ASPRV1: variants seen among roughly 807,000 people sequenced by gnomAD.
The protein encoded by ASPRV1 is aspartic peptidase retroviral like 1.
ASPRV1 carries 7 observed loss-of-function variants against 11.0 expected under a neutral mutation model. The observed-to-expected ratio is 0.64, with a 90% confidence interval of 0.36 to 1.20. The LOEUF (loss-of-function observed/expected upper bound fraction) is 1.20. ASPRV1 is among the 50% of genes most tolerant of loss of function. ASPRV1 has a pLI of 0.02. For synonymous variants in ASPRV1, 136 were observed against 138.4 expected (o/e 0.98, Z 0.12); for missense variants, 299 against 320.0 (o/e 0.93, Z 0.50).
the ASPRV1 span, among the ~76,000 whole-genome samples, chr2:70,071,925 G>A: frequency 2.0e-5 from 3 of 151,558 alleles, no homozygotes; most frequent in East Asian, 1.9e-4. Context: ...GCAACATAGC[G>A]AGACCCAGTC....
the ASPRV1 span, among the ~76,000 whole-genome samples, chr2:70,005,481 A>C: frequency 6.6e-6 from 1 of 152,178 alleles, no homozygotes; most frequent in Admixed American, 6.5e-5. Context: ...TGTATTTATT[A>C]AAGTTACAGA....
chr2:70,021,682 T>C, the ASPRV1 span, among the ~76,000 whole-genome samples: 2 of 151,476 alleles, frequency 1.3e-5, no homozygotes, highest in Admixed American at 6.6e-5. Context: ...TACGGTATTG[T>C]GCACTTTAAA....
chr2:70,067,432 G>A, the ASPRV1 span, among the ~76,000 whole-genome samples: 2 of 152,048 alleles, frequency 1.3e-5, no homozygotes, highest in Non-Finnish European at 2.9e-5. Context: ...CGTGTAGATG[G>A]TAACTGAAGC....
chr2:69,953,874 A>AT, the ASPRV1 span, among the ~76,000 whole-genome samples: 461 of 141,674 alleles, frequency 3.3e-3, 2 homozygotes, highest in South Asian at 9.6e-3. Flanking sequence ...TGCCCGGCTA[A>AT]TTTTTTTTTT....
chr2:70,052,915 G>C, the ASPRV1 span, among the ~76,000 whole-genome samples: 1 of 152,098 alleles, frequency 6.6e-6, no homozygotes, highest in African/African-American at 2.4e-5. Context: ...ATATGGAGGT[G>C]AAAGGCCACA....
chr2:70,080,738 G>A, the ASPRV1 span, among the ~76,000 whole-genome samples: 1 of 152,222 alleles, frequency 6.6e-6, no homozygotes, highest in Non-Finnish European at 1.5e-5. Flanking sequence ...CACTAGTGAA[G>A]TAGCAAAACA....
At position 69,961,425 on chromosome 2, in the gene ASPRV1, G is replaced by T; in HGVS notation, c.12C>A (p.Ser4Arg). 1 of 1,614,036 alleles carries T rather than the reference G, an allele frequency of 6.2e-7. No individual in the cohort carries two copies. The highest frequency in any genetic ancestry group is 8.5e-7 in the Non-Finnish European group (1 of 1,180,038). ...GGCGGCCTTCCTCACTCCTGGCTCC[G>T]CTCCCGGCCATCCTGCTGCTCTCCT... MAGSGARSEEGRRQ... is the reference protein window; with the variant it reads MAGRGARSEEGRRQ... The change falls in exon 1 of 1, where the codon AGC (serine) becomes AGA (arginine). Residue 4 changes from serine to arginine, a missense_variant. By Grantham distance (110) the Ser-to-Arg change is moderately radical (BLOSUM62 -1). Coordinates refer to ENST00000320256, the MANE Select transcript of ASPRV1 (RefSeq NM_152792.4).
At chr2:69,944,998 T>C in the ASPRV1 span, among the ~76,000 whole-genome samples, 1 of 152,124 alleles carries the variant, frequency 6.6e-6, no homozygotes, top group African/African-American at 2.4e-5. Flanking sequence ...CAGCTTTGAC[T>C]CACCTCTTCG....
chr2:70,066,602 T>C, the ASPRV1 span, among the ~76,000 whole-genome samples: 30 of 151,306 alleles, frequency 2.0e-4, 1 homozygote, highest in African/African-American at 6.3e-4. Context: ...TACATTTTAC[T>C]TTATTTTTTT....
the ASPRV1 span, among the ~76,000 whole-genome samples, chr2:70,062,094 C>A: frequency 6.6e-6 from 1 of 151,778 alleles, no homozygotes; most frequent in Non-Finnish European, 1.5e-5. Context: ...TCGAGACCAG[C>A]CTGGCCAACA....
the ASPRV1 span, among the ~76,000 whole-genome samples, chr2:70,032,448 G>T: frequency 6.6e-6 from 1 of 150,766 alleles, no homozygotes; most frequent in Non-Finnish European, 1.5e-5. Context: ...TTGAGCACCA[G>T]AAGTTCGAGA....
the ASPRV1 span, among the ~76,000 whole-genome samples, chr2:70,052,527 G>A: frequency 6.6e-6 from 1 of 152,098 alleles, no homozygotes; most frequent in African/African-American, 2.4e-5. Flanking sequence ...AACAGTATAA[G>A]CAGCGTATCT....
chr2:69,991,038 G>A, the ASPRV1 span, among the ~76,000 whole-genome samples: 8 of 152,204 alleles, frequency 5.3e-5, no homozygotes, highest in South Asian at 2.1e-4. Flanking sequence ...CATAAAGAAC[G>A]GTCCCTCTCT....
the ASPRV1 span, among the ~76,000 whole-genome samples, chr2:69,987,582 CAA>C: frequency 0.028 from 1,351 of 48,288 alleles, 15 homozygotes; most frequent in African/African-American, 0.086. Context: ...CTCATCTCTA[CAA>C]AAAAAAAAAA....
chr2:69,992,944 T>C, the ASPRV1 span, among the ~76,000 whole-genome samples: 9 of 152,220 alleles, frequency 5.9e-5, no homozygotes, highest in African/African-American at 2.2e-4. Context: ...ACTAGACTGT[T>C]GCTTTCTCAG....
At chr2:70,073,599 T>G in the ASPRV1 span, among the ~76,000 whole-genome samples, 4 of 152,016 alleles carry the variant, frequency 2.6e-5, no homozygotes, top group African/African-American at 9.7e-5. Context: ...ACTAGCAGCT[T>G]AACAAGGAAA....
the ASPRV1 span, among the ~76,000 whole-genome samples, chr2:70,044,885 G>T: frequency 6.6e-6 from 1 of 152,192 alleles, no homozygotes; most frequent in Admixed American, 6.5e-5. Flanking sequence ...CTGACTTTGT[G>T]AGCCACATCA....
chr2:69,961,766 C>T (rs1321283454), upstream of ASPRV1: 1 of 1,445,382 alleles, frequency 6.9e-7, no homozygotes, highest in Non-Finnish European at 9.3e-7. Flanking sequence ...AGGATGGGTG[C>T]CTCACCCTCT....
chr2:70,035,521 A>G, the ASPRV1 span, among the ~76,000 whole-genome samples: 1 of 151,694 alleles, frequency 6.6e-6, no homozygotes, highest in African/African-American at 2.4e-5. Flanking sequence ...CATTTACTTG[A>G]CCATCATTTT....
Sources: allele counts gnomAD v4.1 joint callset (sites outside exome capture counted in the v4.1 genomes callset), GRCh38; gene constraint gnomAD v4.1.1; transcripts MANE v1.5; gene names NCBI Gene and HGNC (gene_info 2026-07-23, HGNC 2026-07-21).